The following CSMD1 variants were observed in gnomAD, a reference collection of about 807,000 sequenced individuals.
CSMD1 encodes the protein CUB and Sushi multiple domains 1, also known as CUB and sushi domain-containing protein 1.
A neutral mutation model predicts 417.5 loss-of-function variants in CSMD1; 213 were observed. The observed-to-expected ratio is 0.51, with a 90% CI of 0.46 to 0.57. The LOEUF is 0.57. CSMD1 is among the 20% of genes least tolerant of loss of function. The pLI is 0.00. For missense variants in CSMD1, 6,923 were observed against 4,529.7 expected (o/e 1.53, Z -15.17); for synonymous variants, 2,862 against 1,736.8 (o/e 1.65, Z -16.11).
intron 1 of CSMD1, among the ~76,000 whole-genome samples, chr8:4,659,902 G>A (rs1039177241): frequency 6.6e-6 from 1 of 151,824 alleles, no homozygotes; most frequent in African/African-American, 2.4e-5. Context: ...GGGAAAAAAT[G>A]CATGTGACAT....
chr8:3,267,248 G>T (rs1043996870), intron 26 of CSMD1, among the ~76,000 whole-genome samples: 49 of 152,134 alleles, frequency 3.2e-4, no homozygotes, highest in African/African-American at 9.9e-4. Flanking sequence ...TTGCATGACC[G>T]TTGGAAGGAA....
At chr8:3,676,786 T>C (rs760891378) in intron 7 of CSMD1, among the ~76,000 whole-genome samples, 3 of 152,138 alleles carry the variant, frequency 2.0e-5, no homozygotes, top group Non-Finnish European at 4.4e-5. Flanking sequence ...CCATCAATGA[T>C]AGACTGGATA....
intron 2 of CSMD1, among the ~76,000 whole-genome samples, chr8:4,446,064 G>A (rs924028545): frequency 2.0e-5 from 3 of 152,198 alleles, no homozygotes; most frequent in African/African-American, 4.8e-5. Context: ...AGACGAGGCT[G>A]TTTCATAGGC....
At chr8:4,954,752 T>A (rs1808977038) in intron 1 of CSMD1, among the ~76,000 whole-genome samples, 1 of 152,174 alleles carries the variant, frequency 6.6e-6, no homozygotes, top group South Asian at 2.1e-4. Flanking sequence ...AAGAGCAATA[T>A]TAATAATAAC....
chr8:4,988,905 C>T (rs957489187), intron 1 of CSMD1, among the ~76,000 whole-genome samples: 3 of 152,236 alleles, frequency 2.0e-5, no homozygotes, highest in Admixed American at 6.5e-5. Context: ...TATACAATGT[C>T]CTTCTATTCT....
intron 3 of CSMD1, among the ~76,000 whole-genome samples, chr8:4,398,974 A>T (rs897597134): frequency 6.6e-6 from 1 of 152,242 alleles, no homozygotes; most frequent in Admixed American, 6.5e-5. Context: ...TTCTTCCAGG[A>T]AACAGTCAAA....
At chr8:4,018,857 G>T (rs1221298913) in intron 4 of CSMD1, among the ~76,000 whole-genome samples, 1 of 152,130 alleles carries the variant, frequency 6.6e-6, no homozygotes, top group Non-Finnish European at 1.5e-5. Context: ...CTCTGTGATG[G>T]AGTCTCATCT....
At chr8:4,556,900 T>C (rs978832212) in intron 2 of CSMD1, among the ~76,000 whole-genome samples, 1 of 152,186 alleles carries the variant, frequency 6.6e-6, no homozygotes, top group African/African-American at 2.4e-5. Context: ...AAATCAAAAT[T>C]TATGAAATAA....
chr8:4,129,716 A>T (rs1296670668), intron 3 of CSMD1, among the ~76,000 whole-genome samples: 6 of 151,784 alleles, frequency 4.0e-5, no homozygotes, highest in African/African-American at 1.5e-4. Flanking sequence ...TTCATTCAGT[A>T]TTCAGTTTTC....
At chr8:4,979,853 C>T (rs150846972) in intron 1 of CSMD1, among the ~76,000 whole-genome samples, 1,820 of 152,086 alleles carry the variant, frequency 0.012, 30 homozygotes, top group South Asian at 0.072. Flanking sequence ...CTGGCTAACA[C>T]ATTGAAACCC....
chr8:3,819,380 T>A (rs79065049), intron 5 of CSMD1, among the ~76,000 whole-genome samples: 4,989 of 152,214 alleles, frequency 0.033, 119 homozygotes, highest in Middle Eastern at 0.051. Flanking sequence ...CCCTCTTTGT[T>A]TTGCTCCAGA....
chr8:3,225,330 C>G (rs1798435402), intron 27 of CSMD1, among the ~76,000 whole-genome samples: 1 of 150,624 alleles, frequency 6.6e-6, no homozygotes, highest in African/African-American at 2.4e-5. Context: ...GATATACGTT[C>G]AAGAGTAATA....
At chr8:3,783,383 C>CT (rs1799283617) in intron 5 of CSMD1, among the ~76,000 whole-genome samples, 1 of 152,220 alleles carries the variant, frequency 6.6e-6, no homozygotes, top group Non-Finnish European at 1.5e-5. Context: ...AGTCACATGC[C>CT]CCTGGGGTGA....
intron 6 of CSMD1, among the ~76,000 whole-genome samples, chr8:3,750,431 T>A (rs78947838): frequency 6.6e-6 from 1 of 151,670 alleles, no homozygotes; most frequent in Admixed American, 6.6e-5. Flanking sequence ...CACAATAATG[T>A]TTACATTATG....
intron 40 of CSMD1, among the ~76,000 whole-genome samples, chr8:3,150,554 G>A (rs969655005): frequency 4.6e-5 from 7 of 152,158 alleles, no homozygotes; most frequent in African/African-American, 4.8e-5. Flanking sequence ...TTCTTCCAGG[G>A]CAGTTATTTC....
In CSMD1 at chr8:3,903,712, A is replaced by C. The variant is rs1807919035; in HGVS notation, c.818+94191T>G. ...ATTACACATCAGATACAGCATCCTGAAAGAAGCCAACAGGACATCATCAAC... is the reference window on the plus strand; with the variant it reads ...ATTACACATCAGATACAGCATCCTGCAAGAAGCCAACAGGACATCATCAAC... On this transcript the variant is annotated intron_variant, in intron 5 of 69. Transcript: ENST00000635120. Among the ~76,000 whole-genome samples, 3 of 152,146 alleles carry C rather than the reference A, an allele frequency of 2.0e-5. No individual in the cohort carries two copies. The South Asian group carries it at 6.2e-4, about 32-fold the overall frequency.
chr8:4,172,174 C>T (rs1403155935), intron 3 of CSMD1, among the ~76,000 whole-genome samples: 1 of 151,960 alleles, frequency 6.6e-6, no homozygotes, highest in East Asian at 1.9e-4. Context: ...GTGTTTGTGC[C>T]TTTTAATGAG....
intron 5 of CSMD1, among the ~76,000 whole-genome samples, chr8:3,863,656 A>AAC (rs527548738): frequency 6.9e-4 from 105 of 151,920 alleles, no homozygotes; most frequent in South Asian, 4.6e-3. Flanking sequence ...CAAATATTCT[A>AAC]ACACACACAC....
chr8:3,053,858 T>C (rs1313347262), intron 49 of CSMD1, among the ~76,000 whole-genome samples: 1 of 152,194 alleles, frequency 6.6e-6, no homozygotes, highest in Non-Finnish European at 1.5e-5. Flanking sequence ...ATAAAGAGCC[T>C]TCTTTTACTC....
Sources: allele counts gnomAD v4.1 joint callset (sites outside exome capture counted in the v4.1 genomes callset), GRCh38; gene constraint gnomAD v4.1.1; transcripts MANE v1.5; gene names NCBI Gene and HGNC (gene_info 2026-07-23, HGNC 2026-07-21).